Variants in SMYD3 observed in about 807,000 individuals in gnomAD.
The protein encoded by SMYD3 is histone-lysine N-methyltransferase SMYD3.
Under a neutral mutation model 57.7 loss-of-function variants are expected in SMYD3, and 36 were observed. The ratio of observed to expected loss-of-function variants is 0.62; its 90% CI spans 0.48 to 0.82. SMYD3 has a LOEUF of 0.82. Ranked by LOEUF, SMYD3 falls within the 40% of genes least tolerant of loss-of-function variation. The pLI, the probability that SMYD3 is intolerant of heterozygous loss-of-function variation, is 0.00. For missense variants in SMYD3, 515 were observed against 538.8 expected (o/e 0.96, Z 0.44); for synonymous variants, 211 against 195.0 (o/e 1.08, Z -0.68).
intron 5 of SMYD3, among the ~76,000 whole-genome samples, chr1:246,002,464 G>T (rs867800960): frequency 1.1e-3 from 56 of 50,026 alleles, no homozygotes; most frequent in African/African-American, 3.0e-3. Context: ...GATTACAGGC[G>T]CCCGCCACCA....
intron 5 of SMYD3, among the ~76,000 whole-genome samples, chr1:246,088,552 G>T (rs2060765226): frequency 7.1e-6 from 1 of 140,874 alleles, no homozygotes; most frequent in African/African-American, 2.9e-5. Context: ...GGAGCTTGCA[G>T]TGAGCCGAGA....
intron 5 of SMYD3, among the ~76,000 whole-genome samples, chr1:245,995,050 G>A (rs912715390): frequency 5.9e-5 from 9 of 152,028 alleles, no homozygotes; most frequent in African/African-American, 1.7e-4. Flanking sequence ...CCGAGATTGC[G>A]CCACTGCACT....
intron 1 of SMYD3, among the ~76,000 whole-genome samples, chr1:246,465,769 GT>G (rs1422693731): frequency 2.0e-5 from 3 of 152,130 alleles, no homozygotes; most frequent in Non-Finnish European, 4.4e-5. Flanking sequence ...TTAAACACTT[GT>G]TTTTTGTTTT....
In SMYD3 at chr1:246,274,951, A is replaced by T. The variant is rs538182247; in HGVS notation, c.531+52250T>A. On this transcript the variant is annotated intron_variant, in intron 5 of 11. Transcript: ENST00000490107. ...TATTTTTATGCAAAAAAACTCAATG[A>T]CTACTGTAGCTGGGACACCTCACAG... Among the ~76,000 whole-genome samples the T allele has an allele frequency of 1.6e-4, 25 of 152,306 alleles. 1 individual carries two copies. In the South Asian group the frequency reaches 5.2e-3, roughly 32 times the overall value.
intron 5 of SMYD3, among the ~76,000 whole-genome samples, chr1:245,964,703 A>T (rs1242173141): frequency 1.3e-5 from 2 of 152,152 alleles, no homozygotes; most frequent in South Asian, 2.1e-4. Context: ...TGACCAACTT[A>T]TTAGGAGACT....
At chr1:246,182,246 C>T (rs2062565075) in intron 5 of SMYD3, among the ~76,000 whole-genome samples, 2 of 152,100 alleles carry the variant, frequency 1.3e-5, no homozygotes, top group South Asian at 4.2e-4. Flanking sequence ...ATCAGTTCCC[C>T]ACTGAAAACC....
intron 5 of SMYD3, among the ~76,000 whole-genome samples, chr1:246,167,604 G>A (rs541680832): frequency 7.3e-5 from 11 of 150,498 alleles, no homozygotes; most frequent in African/African-American, 2.2e-4. Context: ...TCTGCCTCCC[G>A]GGTTCAAGCG....
At chr1:245,921,549 GTATATATATA>G (rs143521072) in intron 7 of SMYD3, among the ~76,000 whole-genome samples, 1 of 141,314 alleles carries the variant, frequency 7.1e-6, no homozygotes, top group East Asian at 2.8e-4. Flanking sequence ...AAAATGTGGT[GTATATATATA>G]TATATATATA....
chr1:246,003,917 G>A (rs965524495), intron 5 of SMYD3, among the ~76,000 whole-genome samples: 5 of 152,110 alleles, frequency 3.3e-5, no homozygotes, highest in Admixed American at 1.3e-4. Flanking sequence ...TGGGACCCAC[G>A]ACTTGGGGCT....
chr1:246,246,270 C>A (rs558701053), intron 5 of SMYD3, among the ~76,000 whole-genome samples: 20 of 152,234 alleles, frequency 1.3e-4, no homozygotes, highest in African/African-American at 4.1e-4. Flanking sequence ...TTTGTTCTTA[C>A]GGTATGATCC....
intron 7 of SMYD3, among the ~76,000 whole-genome samples, chr1:245,918,463 T>C (rs1185436999): frequency 2.0e-5 from 3 of 152,226 alleles, no homozygotes; most frequent in Non-Finnish European, 4.4e-5. Flanking sequence ...TAGAGAATGT[T>C]CTGTGGCAAC....
chr1:245,977,541 T>G (rs1392739695), intron 5 of SMYD3, among the ~76,000 whole-genome samples: 1 of 152,034 alleles, frequency 6.6e-6, no homozygotes, highest in East Asian at 1.9e-4. Context: ...TAGCCAGGTG[T>G]GGTGGTGCAT....
intron 5 of SMYD3, among the ~76,000 whole-genome samples, chr1:246,243,681 A>G (rs2063654872): frequency 6.6e-6 from 1 of 151,868 alleles, no homozygotes; most frequent in African/African-American, 2.4e-5. Context: ...AATCTATTCT[A>G]TTTGTTGGCC....
chr1:246,304,036 A>G (rs935036391), intron 5 of SMYD3, among the ~76,000 whole-genome samples: 27 of 152,248 alleles, frequency 1.8e-4, no homozygotes, highest in Non-Finnish European at 1.2e-4. Context: ...ATGATAGTCT[A>G]CTAACCTAAA....
chr1:246,317,661 T>G (rs1030882387), intron 5 of SMYD3, among the ~76,000 whole-genome samples: 3 of 152,216 alleles, frequency 2.0e-5, no homozygotes, highest in Non-Finnish European at 4.4e-5. Context: ...TGTGAGGTAA[T>G]GCATATGTTA....
chr1:245,928,661 G>A (rs1401217828), intron 6 of SMYD3, among the ~76,000 whole-genome samples: 1 of 151,838 alleles, frequency 6.6e-6, no homozygotes, highest in Non-Finnish European at 1.5e-5. Flanking sequence ...GTGACAGAGT[G>A]AGACTCCATC....
intron 1 of SMYD3, among the ~76,000 whole-genome samples, chr1:246,457,425 C>T (rs181261140): frequency 2.0e-5 from 3 of 149,828 alleles, no homozygotes; most frequent in South Asian, 2.1e-4. Flanking sequence ...CCCAGCTAAT[C>T]GGGAGGCTGA....
rs111227936 is a variant in SMYD3, at chr1:246,164,546, TG to T, written c.531+162654del. On this transcript the variant is annotated intron_variant, in intron 5 of 11. Transcript: ENST00000490107. Reference sequence around the variant, plus strand: ...CAGCCCCAGTGAGCCAAATCCTTAATGCTTACATCTTTCCTCTTCCTACAAC... The same window carrying T: ...CAGCCCCAGTGAGCCAAATCCTTAATCTTACATCTTTCCTCTTCCTACAAC... Among the ~76,000 whole-genome samples the T allele has an allele frequency of 1.6e-3, 244 of 152,384 alleles. 1 individual carries two copies. The highest frequency in any genetic ancestry group is 5.4e-3 in the African/African-American group (226 of 41,600).
chr1:245,806,668 T>A (rs2048161611), intron 10 of SMYD3, among the ~76,000 whole-genome samples: 1 of 151,110 alleles, frequency 6.6e-6, no homozygotes, highest in African/African-American at 2.4e-5. Context: ...CCCAGCACTT[T>A]GGGAGGCCGA....
Sources: allele counts gnomAD v4.1 joint callset (sites outside exome capture counted in the v4.1 genomes callset), GRCh38; gene constraint gnomAD v4.1.1; transcripts MANE v1.5; gene names NCBI Gene and HGNC (gene_info 2026-07-23, HGNC 2026-07-21).